KIAA1328: variants seen among roughly 807,000 people sequenced by gnomAD.
KIAA1328 encodes the protein protein hinderin.
KIAA1328 carries 52 observed loss-of-function variants against 68.1 expected under a neutral mutation model. That is an observed-to-expected ratio of 0.76 (90% CI 0.61 to 0.96). The LOEUF is 0.96. KIAA1328 is among the 40% of genes least tolerant of loss of function. The pLI is 0.00. For synonymous variants in KIAA1328, 232 were observed against 239.4 expected (o/e 0.97, Z 0.28); for missense variants, 641 against 677.6 (o/e 0.95, Z 0.60).
chr18:36,955,715 C>A (rs1387502764), intron 5 of KIAA1328: 1 of 152,142 alleles, frequency 6.6e-6, no homozygotes, highest in African/African-American at 2.4e-5. Flanking sequence ...TTTCTCTACC[C>A]CAAAATGGGG....
chr18:37,056,474 T>C, intron 6 of KIAA1328, among the ~76,000 whole-genome samples: 1 of 152,114 alleles, frequency 6.6e-6, no homozygotes, highest in East Asian at 1.9e-4. Flanking sequence ...CATTAGCCTG[T>C]GCCTACCCAA....
chr18:36,829,236 C>G (rs2046363490), intron 1 of KIAA1328, 40 bp downstream of exon 1: 1 of 1,484,846 alleles, frequency 6.7e-7, no homozygotes, highest in East Asian at 2.9e-5. Flanking sequence ...CGGCGCCCTC[C>G]ACGGGACGGC....
chr18:37,071,248 T>A (rs2151750738), intron 7 of KIAA1328, among the ~76,000 whole-genome samples: 1 of 151,912 alleles, frequency 6.6e-6, no homozygotes, highest in East Asian at 1.9e-4. Flanking sequence ...AGTTTTTGCA[T>A]TGTTTGTAGA....
chr18:36,967,643 A>C (rs952854525), intron 6 of KIAA1328, among the ~76,000 whole-genome samples: 17 of 152,188 alleles, frequency 1.1e-4, no homozygotes, highest in Admixed American at 1.0e-3. Flanking sequence ...ACATCAGGAA[A>C]ACTGGTACAC....
intron 6 of KIAA1328, among the ~76,000 whole-genome samples, chr18:37,064,670 G>A (rs1249896258): frequency 6.6e-6 from 1 of 151,980 alleles, no homozygotes; most frequent in Non-Finnish European, 1.5e-5. Context: ...TATTACCCAG[G>A]TAGGCCCAAT....
intron 9 of KIAA1328, among the ~76,000 whole-genome samples, chr18:37,178,849 T>C (rs1380283374): frequency 6.6e-6 from 1 of 152,234 alleles, no homozygotes; most frequent in Admixed American, 6.5e-5. Context: ...AATTTTTTCA[T>C]GTACCCGTTA....
At chr18:36,847,689 T>C (rs1461549781) in intron 4 of KIAA1328, among the ~76,000 whole-genome samples, 4 of 151,542 alleles carry the variant, frequency 2.6e-5, no homozygotes, top group Non-Finnish European at 5.9e-5. Context: ...AGTCTGCAGC[T>C]TCCTTTATAA....
chr18:36,960,152 T>G (rs1464953636), intron 6 of KIAA1328, among the ~76,000 whole-genome samples: 3 of 152,168 alleles, frequency 2.0e-5, no homozygotes, highest in Non-Finnish European at 4.4e-5. Context: ...GACCAGGGGA[T>G]TCTCTCCTGT....
chr18:36,969,066 A>G (rs914065288), intron 6 of KIAA1328, among the ~76,000 whole-genome samples: 1 of 152,210 alleles, frequency 6.6e-6, no homozygotes, highest in African/African-American at 2.4e-5. Flanking sequence ...TTAAGGCAGA[A>G]AACAAGAAGT....
At chr18:37,162,525 T>TTA (rs1218111386) in intron 8 of KIAA1328, among the ~76,000 whole-genome samples, 2 of 152,138 alleles carry the variant, frequency 1.3e-5, no homozygotes, top group Non-Finnish European at 2.9e-5. Context: ...CAGGGCAAAG[T>TTA]TATTGCATTG....
rs569668250 is a variant in KIAA1328 at position 36,952,427 on chromosome 18, A to G, written c.449-6881A>G. On this transcript the variant is annotated intron_variant, in intron 5 of 9. Transcript: ENST00000280020. ...GATGTCTTTTTTTTTTAAAAAATGT[A>G]TTGAATATATACTTTGTGCCCTGCA... 3.3e-5 allele frequency among the ~76,000 whole-genome samples: 5 copies of G among 152,120 alleles called. No individual in the cohort carries two copies. In the South Asian group the frequency reaches 6.2e-4, roughly 19 times the overall value.
At chr18:36,908,201 A>G (rs1226373688) in intron 5 of KIAA1328, among the ~76,000 whole-genome samples, 1 of 152,168 alleles carries the variant, frequency 6.6e-6, no homozygotes, top group Non-Finnish European at 1.5e-5. Flanking sequence ...TTTTCTTCTT[A>G]TGGAGGAGTT....
At chr18:37,106,463 G>A (rs1488967575) in intron 7 of KIAA1328, among the ~76,000 whole-genome samples, 2 of 150,248 alleles carry the variant, frequency 1.3e-5, no homozygotes, top group African/African-American at 4.9e-5. Flanking sequence ...CTGTCACCCA[G>A]GCTGGAGTGC....
chr18:36,968,522 G>T (rs1431735271), intron 6 of KIAA1328, among the ~76,000 whole-genome samples: 1 of 147,668 alleles, frequency 6.8e-6, no homozygotes, highest in Admixed American at 6.7e-5. Context: ...AGAAAACAAA[G>T]ATCAAAAAAG....
intron 7 of KIAA1328, among the ~76,000 whole-genome samples, chr18:37,130,204 G>C (rs1247784402): frequency 5.3e-5 from 8 of 152,062 alleles, no homozygotes; most frequent in Non-Finnish European, 4.4e-5. Context: ...GGAAACAAAT[G>C]GGAATAAAAT....
intron 6 of KIAA1328, among the ~76,000 whole-genome samples, chr18:37,031,774 T>C (rs2054838569): frequency 2.0e-5 from 3 of 152,330 alleles, no homozygotes; most frequent in South Asian, 2.1e-4. Flanking sequence ...TTCTTTTAAA[T>C]AATTGTTTAG....
chr18:36,911,909 T>G (rs1316329707), intron 5 of KIAA1328, among the ~76,000 whole-genome samples: 1 of 152,142 alleles, frequency 6.6e-6, no homozygotes, highest in Non-Finnish European at 1.5e-5. Flanking sequence ...ATTATAATTA[T>G]TACTGTTACT....
At position 36,879,110 on chromosome 18, in the gene KIAA1328, A is replaced by G. The variant is rs527709334; in HGVS notation, c.333-6447A>G. On this transcript the variant is annotated intron_variant, in intron 4 of 9. Coordinates refer to ENST00000280020, the MANE Select transcript of KIAA1328 (RefSeq NM_020776.3). Reference sequence around the variant, plus strand: ...GGAGAAGAGGCATTCTGGTTTTTGGAATTTTCAGCCTTTTTGTGCTGGTTT... The same window carrying G: ...GGAGAAGAGGCATTCTGGTTTTTGGGATTTTCAGCCTTTTTGTGCTGGTTT... Among the ~76,000 whole-genome samples, 38 of 151,730 alleles carry G rather than the reference A, an allele frequency of 2.5e-4. No homozygotes were observed. In the East Asian group the frequency reaches 7.4e-3, roughly 29 times the overall value.
chr18:37,023,325 C>G (rs1385177848), intron 6 of KIAA1328, among the ~76,000 whole-genome samples: 1 of 152,190 alleles, frequency 6.6e-6, no homozygotes, highest in Non-Finnish European at 1.5e-5. Flanking sequence ...AGCGATGCTC[C>G]CACCTCAGCC....
Sources: allele counts gnomAD v4.1 joint callset (sites outside exome capture counted in the v4.1 genomes callset), GRCh38; gene constraint gnomAD v4.1.1; transcripts MANE v1.5; gene names NCBI Gene and HGNC (gene_info 2026-07-23, HGNC 2026-07-21).